The following EBF1 variants were observed in gnomAD, a reference collection of about 807,000 sequenced individuals.
EBF1 encodes EBF transcription factor 1, also known as transcription factor COE1.
In EBF1, 10 loss-of-function variants were observed where a neutral mutation model predicts 68.4. That is an observed-to-expected ratio of 0.15 (90% confidence interval 0.09 to 0.25). EBF1 has a LOEUF of 0.25. Among genes scored for constraint, EBF1 ranks in the 10% least tolerant of loss-of-function variants. EBF1 has a pLI of 1.00. For synonymous variants in EBF1, 298 were observed against 299.8 expected (o/e 0.99, Z 0.06); for missense variants, 509 against 794.4 (o/e 0.64, Z 4.32).
chr5:158,859,081 C>T (rs1794555799), intron 6 of EBF1, among the ~76,000 whole-genome samples: 1 of 152,208 alleles, frequency 6.6e-6, no homozygotes, highest in South Asian at 2.1e-4. Flanking sequence ...ATCAGCCCCT[C>T]TCCATTTTCC....
At chr5:159,073,723 G>C (rs1778244293) in intron 5 of EBF1, 8 of 499,324 alleles carry the variant, frequency 1.6e-5, no homozygotes, top group Non-Finnish European at 2.9e-5. Flanking sequence ...CCCCAAGATG[G>C]GGTCTCCCCA....
chr5:159,078,948 C>A (rs1561964245), intron 5 of EBF1, among the ~76,000 whole-genome samples: 1 of 152,156 alleles, frequency 6.6e-6, no homozygotes, highest in Admixed American at 6.5e-5. Context: ...ATCTTAGGGA[C>A]ATGGAACTTT....
At chr5:158,771,793 ATT>A (rs1773925864) in intron 10 of EBF1, among the ~76,000 whole-genome samples, 1 of 152,142 alleles carries the variant, frequency 6.6e-6, no homozygotes, top group Non-Finnish European at 1.5e-5. Context: ...CGACTGACTC[ATT>A]TCACAATGAA....
chr5:158,934,451 A>G (rs925278037), intron 6 of EBF1, among the ~76,000 whole-genome samples: 5 of 152,182 alleles, frequency 3.3e-5, no homozygotes, highest in Admixed American at 6.5e-5. Flanking sequence ...AAGAGAGAGA[A>G]ATGGAAGCTT....
intron 7 of EBF1, 64 bp from the exon 8 acceptor site, chr5:158,823,381 A>T: frequency 6.8e-7 from 1 of 1,473,418 alleles, no homozygotes; most frequent in Middle Eastern, 1.8e-4. Flanking sequence ...TAATAAACTC[A>T]AGTTAAATAA....
intron 6 of EBF1, among the ~76,000 whole-genome samples, chr5:158,912,168 G>A (rs564228345): frequency 1.1e-3 from 172 of 152,206 alleles, no homozygotes; most frequent in African/African-American, 4.0e-3. Context: ...GGAGAGTAAG[G>A]GCCCTTCCTC....
At chr5:159,004,620 A>G (rs551865789) in intron 6 of EBF1, among the ~76,000 whole-genome samples, 4 of 152,334 alleles carry the variant, frequency 2.6e-5, no homozygotes, top group Admixed American at 6.5e-5. Flanking sequence ...TATTGCTGCC[A>G]TATTTCAATT....
chr5:158,720,668 C>A (rs2042876), intron 11 of EBF1, among the ~76,000 whole-genome samples: 119,555 of 152,134 alleles, frequency 0.79, 47,424 homozygotes, highest in East Asian at 0.96. Context: ...AACACTCTTT[C>A]CTTAGAAGCC....
rs755472674 is a variant in EBF1 at position 158,697,071 on chromosome 5, TAAGA to T, written c.*2036_*2039del. 1.8e-4 allele frequency: 34 copies of T among 189,446 alleles called. No individual in the cohort carries two copies. Among genetic ancestry groups the T allele is most frequent in the South Asian group, 9.8e-4 (5 of 5,128 alleles). The allele number at this position is 189,446 out of a possible 1,614,324, so 11.7% of individuals were successfully genotyped here. Reference sequence around the variant, plus strand: ...GACAGAGGAAATATACAAGCAGACTTAAGAAAGAAAGTATGTTCATTGATTTCTA... The same window carrying T: ...GACAGAGGAAATATACAAGCAGACTTAAGAAAGTATGTTCATTGATTTCTA... On this transcript the variant is annotated 3_prime_UTR_variant, in exon 16 of 16. Transcript: ENST00000313708.
At chr5:158,893,585 T>G (rs1002228419) in intron 6 of EBF1, among the ~76,000 whole-genome samples, 1 of 152,178 alleles carries the variant, frequency 6.6e-6, no homozygotes, top group Non-Finnish European at 1.5e-5. Context: ...GTCTTTAGAT[T>G]TATTACATGA....
chr5:158,930,951 G>C (rs1810756485), intron 6 of EBF1, among the ~76,000 whole-genome samples: 1 of 151,692 alleles, frequency 6.6e-6, no homozygotes, highest in Non-Finnish European at 1.5e-5. Context: ...TTCTATGGCA[G>C]CCTGTTTCTT....
intron 4 of EBF1, among the ~76,000 whole-genome samples, chr5:159,093,742 A>T (rs1229305810): frequency 6.6e-6 from 1 of 152,152 alleles, no homozygotes; most frequent in Non-Finnish European, 1.5e-5. Flanking sequence ...GACTAGAGAG[A>T]CTTAAAATAA....
chr5:159,035,338 C>T (rs1769816846), intron 6 of EBF1, among the ~76,000 whole-genome samples: 1 of 151,940 alleles, frequency 6.6e-6, no homozygotes, highest in South Asian at 2.1e-4. Flanking sequence ...ATTAAAAAAA[C>T]ACCAAAATAA....
intron 9 of EBF1, among the ~76,000 whole-genome samples, chr5:158,778,521 C>T (rs1422020484): frequency 6.6e-6 from 1 of 152,112 alleles, no homozygotes; most frequent in Admixed American, 6.6e-5. Flanking sequence ...TTTAAACTAA[C>T]ATGCTTGTTC....
chr5:158,760,969 AT>A (rs1156757558), intron 10 of EBF1, among the ~76,000 whole-genome samples: 4 of 152,168 alleles, frequency 2.6e-5, no homozygotes. Context: ...TTTAGACACA[AT>A]GCCTTGTTTA....
chr5:158,749,273 T>C (rs1031654224), intron 10 of EBF1, among the ~76,000 whole-genome samples: 3 of 152,180 alleles, frequency 2.0e-5, no homozygotes, highest in Admixed American at 6.5e-5. Flanking sequence ...TTGGATCCTA[T>C]CAAAAACAAT....
intron 6 of EBF1, among the ~76,000 whole-genome samples, chr5:159,049,050 C>T (rs951582626): frequency 6.6e-6 from 1 of 152,190 alleles, no homozygotes; most frequent in African/African-American, 2.4e-5. Context: ...CCCCTGCATT[C>T]GTCAGGATTT....
intron 6 of EBF1, among the ~76,000 whole-genome samples, chr5:159,020,290 A>G (rs1422148465): frequency 6.6e-6 from 1 of 152,142 alleles, no homozygotes; most frequent in Non-Finnish European, 1.5e-5. Context: ...TTTTTATTCC[A>G]GTGGAAAGGC....
chr5:158,835,927 T>C (rs993909706), intron 7 of EBF1, among the ~76,000 whole-genome samples: 1 of 152,214 alleles, frequency 6.6e-6, no homozygotes, highest in Non-Finnish European at 1.5e-5. Flanking sequence ...ACCAAATAAA[T>C]GTTAGCTTTA....
Sources: allele counts gnomAD v4.1 joint callset (sites outside exome capture counted in the v4.1 genomes callset), GRCh38; gene constraint gnomAD v4.1.1; transcripts MANE v1.5; gene names NCBI Gene and HGNC (gene_info 2026-07-23, HGNC 2026-07-21).